ADAMTSL3: variants seen among roughly 807,000 people sequenced by gnomAD.
The protein encoded by ADAMTSL3 is ADAMTS like 3.
In ADAMTSL3, 128 loss-of-function variants were observed where a neutral mutation model predicts 201.7. The ratio of observed to expected loss-of-function variants is 0.63; its 90% CI spans 0.55 to 0.73. The LOEUF is 0.73. Among genes scored for constraint, ADAMTSL3 ranks in the 30% least tolerant of loss-of-function variants. ADAMTSL3 has a pLI of 0.00. For missense variants in ADAMTSL3, 1,990 were observed against 2,119.6 expected (o/e 0.94, Z 1.20); for synonymous variants, 738 against 748.4 (o/e 0.99, Z 0.23).
At chr15:83,905,908 A>T (rs1242082834) in intron 15 of ADAMTSL3, among the ~76,000 whole-genome samples, 6 of 151,152 alleles carry the variant, frequency 4.0e-5, no homozygotes, top group African/African-American at 7.3e-5. Flanking sequence ...TTTTTTTTTT[A>T]AATGTTATTT....
chr15:83,810,484 A>T (rs2063675689), intron 5 of ADAMTSL3, among the ~76,000 whole-genome samples: 1 of 152,218 alleles, frequency 6.6e-6, no homozygotes, highest in African/African-American at 2.4e-5. Flanking sequence ...TTGTTGTGGT[A>T]ACATATTACT....
chr15:83,675,938 C>T (rs74249873), intron 2 of ADAMTSL3, among the ~76,000 whole-genome samples: 10,659 of 151,854 alleles, frequency 0.07, 590 homozygotes, highest in East Asian at 0.18. Flanking sequence ...GTAGTGATAC[C>T]CATTTCATTC....
chr15:83,693,560 C>T (rs2061641140), intron 2 of ADAMTSL3, among the ~76,000 whole-genome samples: 1 of 152,144 alleles, frequency 6.6e-6, no homozygotes, highest in Non-Finnish European at 1.5e-5. Flanking sequence ...CAAGATCCAA[C>T]TTGTCAGTTT....
intron 2 of ADAMTSL3, among the ~76,000 whole-genome samples, chr15:83,662,589 A>G (rs1325183742): frequency 7.7e-6 from 1 of 130,702 alleles, no homozygotes; most frequent in Non-Finnish European, 1.6e-5. Flanking sequence ...AAAAGAAAAA[A>G]AAGAAAGAAA....
chr15:84,037,598 C>T (rs767563030), intron 29 of ADAMTSL3, 102 bp from the exon 30 acceptor site: 63 of 1,347,930 alleles, frequency 4.7e-5, no homozygotes, highest in Non-Finnish European at 1.2e-5. Flanking sequence ...GTTTCTTCAC[C>T]TCACTCTGTG....
At chr15:83,972,750 G>A (rs2067218986) in intron 20 of ADAMTSL3, among the ~76,000 whole-genome samples, 1 of 152,102 alleles carries the variant, frequency 6.6e-6, no homozygotes. Context: ...CATGCTCCCA[G>A]CACAGCCAAC....
At chr15:83,721,529 C>G (rs997281357) in intron 3 of ADAMTSL3, among the ~76,000 whole-genome samples, 5 of 152,106 alleles carry the variant, frequency 3.3e-5, no homozygotes, top group African/African-American at 1.2e-4. Context: ...TTGTTTAACT[C>G]CTACTCAGTT....
intron 2 of ADAMTSL3, among the ~76,000 whole-genome samples, chr15:83,675,588 T>C (rs1046412417): frequency 4.7e-5 from 7 of 147,442 alleles, no homozygotes; most frequent in African/African-American, 1.7e-4. Context: ...GCTGTTTTCT[T>C]TTTTTTTTTT....
chr15:83,885,794 G>A (rs922738292), intron 10 of ADAMTSL3, among the ~76,000 whole-genome samples: 7 of 151,578 alleles, frequency 4.6e-5, no homozygotes, highest in Admixed American at 3.9e-4. Context: ...GCCAAATCTC[G>A]GCTCGCTGCA....
intron 8 of ADAMTSL3, chr15:83,862,234 GC>G: frequency 6.6e-6 from 1 of 152,156 alleles, no homozygotes; most frequent in Non-Finnish European, 1.5e-5. Context: ...ATCTAGCAAG[GC>G]AGGCCAACAT....
intron 7 of ADAMTSL3, among the ~76,000 whole-genome samples, chr15:83,846,725 TGCCTTTGGTTAAC>T (rs2064506762): frequency 2.6e-5 from 4 of 152,328 alleles, no homozygotes; most frequent in Admixed American, 2.6e-4. Context: ...CACTGGTGCA[TGCCTTTGGTTAAC>T]GCCTCTGCTT....
At chr15:84,016,691 A>G (rs2068093186) in intron 25 of ADAMTSL3, among the ~76,000 whole-genome samples, 192 bp downstream of exon 25, 2 of 152,182 alleles carry the variant, frequency 1.3e-5, no homozygotes, top group African/African-American at 2.4e-5. Flanking sequence ...CACTTTTTAG[A>G]AAAATCCACT....
At chr15:83,798,764 G>A (rs972003950) in intron 4 of ADAMTSL3, among the ~76,000 whole-genome samples, 4 of 134,506 alleles carry the variant, frequency 3.0e-5, no homozygotes, top group East Asian at 2.2e-4. Flanking sequence ...CTGAGATCGC[G>A]CCATTGCACT....
At chr15:83,809,069 C>T (rs1418089443) in intron 5 of ADAMTSL3, among the ~76,000 whole-genome samples, 3 of 152,032 alleles carry the variant, frequency 2.0e-5, no homozygotes, top group African/African-American at 7.2e-5. Flanking sequence ...TGTCCTGTTG[C>T]ACAGTGGAGT....
At chr15:83,877,724 C>T (rs1410260892) in intron 9 of ADAMTSL3, among the ~76,000 whole-genome samples, 2 of 152,100 alleles carry the variant, frequency 1.3e-5, no homozygotes, top group Non-Finnish European at 2.9e-5. Flanking sequence ...CATAAATATG[C>T]CATATCCATA....
At chr15:83,948,033 C>T (rs143542305) in intron 19 of ADAMTSL3, among the ~76,000 whole-genome samples, 3 of 152,276 alleles carry the variant, frequency 2.0e-5, no homozygotes, top group Non-Finnish European at 2.9e-5. Context: ...TCTGCCAACT[C>T]TTCAACTCTT....
chr15:83,801,690 A>ATATATATATATATATG, intron 4 of ADAMTSL3, among the ~76,000 whole-genome samples: 1 of 87,654 alleles, frequency 1.1e-5, no homozygotes, highest in South Asian at 3.7e-4. Flanking sequence ...ATATATATAT[A>ATATATATATATATATG]TATATGTATG....
At chr15:83,977,050 A>G (rs924878525) in intron 20 of ADAMTSL3, among the ~76,000 whole-genome samples, 5 of 152,172 alleles carry the variant, frequency 3.3e-5, no homozygotes, top group African/African-American at 9.7e-5. Context: ...GAGCTGCACA[A>G]TAGGAGGTGA....
At chr15:83,938,687 T>G (rs2066502990) in intron 17 of ADAMTSL3, among the ~76,000 whole-genome samples, 1 of 152,212 alleles carries the variant, frequency 6.6e-6, no homozygotes, top group Admixed American at 6.5e-5. Context: ...TCTCAAAATC[T>G]CTATCAGAGT....
Sources: allele counts gnomAD v4.1 joint callset (sites outside exome capture counted in the v4.1 genomes callset), GRCh38; gene constraint gnomAD v4.1.1; transcripts MANE v1.5; gene names NCBI Gene and HGNC (gene_info 2026-07-23, HGNC 2026-07-21).